CNOT2: variants seen among roughly 807,000 people sequenced by gnomAD.
The protein encoded by CNOT2 is CC chemokine receptor 4-negative regulator of transcription 2.
In CNOT2, 7 loss-of-function variants were observed where a neutral mutation model predicts 72.1. The observed-to-expected ratio is 0.10, with a 90% CI of 0.06 to 0.18. The LOEUF (loss-of-function observed/expected upper bound fraction) is 0.18, where lower values mean the gene tolerates loss of function less well. Ranked by LOEUF, CNOT2 falls within the 10% of genes least tolerant of loss-of-function variation. The pLI, the probability that CNOT2 is intolerant of heterozygous loss-of-function variation, is 1.00. For synonymous variants in CNOT2, 196 were observed against 225.6 expected (o/e 0.87, Z 1.17); for missense variants, 345 against 660.3 (o/e 0.52, Z 5.23).
Position 70,338,757 on chromosome 12 carries a change from A to G in CNOT2, c.1113A>G (p.Pro371=), listed in dbSNP as rs746631413. 6.2e-7 allele frequency: 1 copy of G among 1,613,660 alleles called. No homozygotes were observed. Among genetic ancestry groups the G allele is most frequent in the South Asian group, 1.1e-5 (1 of 91,074 alleles). ...LTFIRAAETD[P]GMVHLALGSD... is the part of the protein sequence containing the mutation. The stretch of plus-strand genomic sequence containing the variant: ...TTATCAGGGCAGCAGAGACAGACCC[A>G]GGAATGGTACATCTTGCATTAGGAA... The change falls in exon 11 of 16, where the codon CCA becomes CCG. Residue 371 remains proline (P), a synonymous_variant. Transcript: ENST00000229195.
At chr12:70,325,231 G>C (rs1878905249) in intron 4 of CNOT2, among the ~76,000 whole-genome samples, 1 of 151,796 alleles carries the variant, frequency 6.6e-6, no homozygotes, top group Admixed American at 6.6e-5. Flanking sequence ...AGAGTAAAAT[G>C]CTTGTTAAGG....
chr12:70,265,378 G>A (rs1260128067), intron 1 of CNOT2, among the ~76,000 whole-genome samples: 1 of 147,652 alleles, frequency 6.8e-6, no homozygotes, highest in East Asian at 2.0e-4. Flanking sequence ...ATTTGTTTCT[G>A]TAGGTGTAAG....
chr12:70,257,610 A>C (rs1022753314), intron 1 of CNOT2, among the ~76,000 whole-genome samples: 30 of 151,154 alleles, frequency 2.0e-4, no homozygotes, highest in African/African-American at 6.6e-4. Flanking sequence ...CTCGTGAGCC[A>C]CCTGCCTCGG....
intron 3 of CNOT2, among the ~76,000 whole-genome samples, chr12:70,316,569 G>A (rs536819737): frequency 1.3e-5 from 2 of 152,234 alleles, no homozygotes; most frequent in South Asian, 2.1e-4. Flanking sequence ...ATAGCTGATC[G>A]ATGCTTATTT....
chr12:70,342,167 A>G lies in CNOT2; in HGVS notation c.1239A>G (p.Ile413Met). Reference protein sequence around the residue: ...WASSPCRPQDIDFHVPSEYLT... With the variant: ...WASSPCRPQDMDFHVPSEYLT... ...CTTCACCTTGTCGACCTCAAGACAT[A>G]GGTAGGAGAATCTATTTGTGTTTAG... The change falls in exon 12 of 16, where the codon ATA becomes ATG. Residue 413 changes from isoleucine (I) to methionine (M), a missense_variant and splice_region_variant. Ile to Met is a conservative substitution (Grantham distance 10). Transcript: ENST00000229195. 1 of 1,611,592 alleles carries G rather than the reference A, an allele frequency of 6.2e-7. No individual in the cohort carries two copies. Among genetic ancestry groups the G allele is most frequent in the Non-Finnish European group, 8.5e-7 (1 of 1,177,746 alleles).
intron 1 of CNOT2, among the ~76,000 whole-genome samples, chr12:70,251,834 G>A (rs1182947964): frequency 2.0e-5 from 3 of 152,100 alleles, no homozygotes; most frequent in African/African-American, 7.2e-5. Context: ...TACTGGGGTG[G>A]AATTTTTGTA....
At chr12:70,344,467 C>T (rs1335917315) in intron 14 of CNOT2, 3 of 414,160 alleles carry the variant, frequency 7.2e-6, no homozygotes, top group African/African-American at 2.1e-5. Flanking sequence ...GTGGCTCACA[C>T]TTGTAATCCC....
chr12:70,271,017 A>G lies in CNOT2; in HGVS notation c.-95-7115A>G, dbSNP rs1959203187. 1.3e-5 allele frequency among the ~76,000 whole-genome samples: 2 copies of G among 152,228 alleles called. 1 individual carries two copies. The highest frequency in any genetic ancestry group is 2.9e-5 in the Non-Finnish European group (2 of 68,016). On this transcript the variant is annotated intron_variant, in intron 1 of 15. Coordinates refer to ENST00000229195, the MANE Select transcript of CNOT2 (RefSeq NM_014515.7). The stretch of plus-strand genomic sequence containing the variant: ...AATTGACTAAACAGTATGGAAAACT[A>G]TTTTCTCACATATCTGGAGGAATGG...
At chr12:70,309,929 A>G (rs1450901259) in intron 2 of CNOT2, among the ~76,000 whole-genome samples, 1 of 151,974 alleles carries the variant, frequency 6.6e-6, no homozygotes, top group Non-Finnish European at 1.5e-5. Context: ...CTGTGGGTCA[A>G]CCAGCTGCAG....
intron 3 of CNOT2, among the ~76,000 whole-genome samples, chr12:70,312,154 A>G (rs891171837): frequency 6.6e-6 from 1 of 151,908 alleles, no homozygotes; most frequent in Non-Finnish European, 1.5e-5. Flanking sequence ...TTATGGAATA[A>G]TGTCATCTAA....
rs150710352 is a variant in CNOT2, at chr12:70,299,148, G to A, written c.49-11747G>A. Among the ~76,000 whole-genome samples the A allele has an allele frequency of 5.2e-3, 796 of 152,140 alleles. 9 individuals carry two copies. Among genetic ancestry groups the A allele is most frequent in the African/African-American group, 0.017 (698 of 41,508 alleles). On this transcript the variant is annotated intron_variant, in intron 2 of 15. Transcript: ENST00000229195. ...GAGGAGCAGTCACGTCTCACATGGC[G>A]GCAGGCAAGAGTGAATGTGTGCAGG...
intron 1 of CNOT2, among the ~76,000 whole-genome samples, chr12:70,247,754 A>G (rs901779328): frequency 3.3e-5 from 5 of 152,224 alleles, no homozygotes; most frequent in African/African-American, 1.2e-4. Flanking sequence ...GAATGCCTCT[A>G]TAGTGCATAA....
chr12:70,284,745 C>T (rs1447679538), intron 2 of CNOT2, among the ~76,000 whole-genome samples: 6 of 152,044 alleles, frequency 3.9e-5, no homozygotes, highest in African/African-American at 1.2e-4. Flanking sequence ...CGTTCTGATA[C>T]TTTTTTTATT....
intron 4 of CNOT2, chr12:70,323,104 G>C (rs565761105): frequency 1.1e-4 from 17 of 151,668 alleles, no homozygotes; most frequent in African/African-American, 3.9e-4. Flanking sequence ...AAGCTATAGT[G>C]GTATGGAAAA....
chr12:70,279,642 T>G (rs750665853), intron 2 of CNOT2, among the ~76,000 whole-genome samples: 40 of 152,224 alleles, frequency 2.6e-4, no homozygotes, highest in Non-Finnish European at 5.1e-4. Flanking sequence ...TGGTAGGTTC[T>G]GCCAAATTAT....
chr12:70,337,851 A>G (rs1277762563), intron 9 of CNOT2: 4 of 441,940 alleles, frequency 9.1e-6, no homozygotes, highest in African/African-American at 4.1e-5. Flanking sequence ...ATTTATACAC[A>G]TTTTTATACC....
chr12:70,264,148 C>G (rs1958907474), intron 1 of CNOT2, among the ~76,000 whole-genome samples: 1 of 152,064 alleles, frequency 6.6e-6, no homozygotes, highest in African/African-American at 2.4e-5. Flanking sequence ...AATTTTGGCC[C>G]CTTTGTAGGG....
chr12:70,321,932 T>G (rs1033904175), intron 4 of CNOT2: 1 of 151,776 alleles, frequency 6.6e-6, no homozygotes, highest in Non-Finnish European at 1.5e-5. Flanking sequence ...TCAGTTCTAG[T>G]ATAGTATGAT....
intron 4 of CNOT2, among the ~76,000 whole-genome samples, chr12:70,326,328 A>C (rs756068459): frequency 6.6e-6 from 1 of 151,850 alleles, no homozygotes; most frequent in African/African-American, 2.4e-5. Flanking sequence ...TAAGTGCCCA[A>C]TAAATTTTAA....
Sources: allele counts gnomAD v4.1 joint callset (sites outside exome capture counted in the v4.1 genomes callset), GRCh38; gene constraint gnomAD v4.1.1; transcripts MANE v1.5; gene names NCBI Gene and HGNC (gene_info 2026-07-23, HGNC 2026-07-21).